The following ACKR3 variants were observed in gnomAD, a reference collection of about 807,000 sequenced individuals.
ACKR3 encodes the protein C-X-C chemokine receptor type 7.
Under a neutral mutation model 22.4 loss-of-function variants are expected in ACKR3, and 6 were observed. That is an observed-to-expected ratio of 0.27 (90% CI 0.15 to 0.53). ACKR3 has a LOEUF of 0.53. Ranked by LOEUF, ACKR3 falls within the 20% of genes least tolerant of loss-of-function variation. The pLI, the probability that ACKR3 is intolerant of heterozygous loss-of-function variation, is 0.96. For synonymous variants in ACKR3, 209 were observed against 205.2 expected (o/e 1.02, Z -0.16); for missense variants, 396 against 475.2 (o/e 0.83, Z 1.55).
chr2:236,566,500 T>C (rs1691181762), upstream of ACKR3, among the ~76,000 whole-genome samples: 1 of 151,534 alleles, frequency 6.6e-6, no homozygotes, highest in Non-Finnish European at 1.5e-5. Flanking sequence ...TGAAAGGCAC[T>C]TGAAAAACAG....
chr2:236,550,244 C>T, the ACKR3 span, among the ~76,000 whole-genome samples: 10 of 152,312 alleles, frequency 6.6e-5, no homozygotes, highest in East Asian at 3.9e-4. The surrounding 1 kb of genome is among the most constrained non-coding windows in gnomAD (Gnocchi z 4.6). Flanking sequence ...GTGCCTGCCC[C>T]TGGTGTCCAC....
rs1359735514 is a variant in ACKR3, at chr2:236,569,870, A to G, written c.-81A>G. On this transcript the variant is annotated 5_prime_UTR_variant, in exon 1 of 2. Transcript: ENST00000272928. ...AGCACTAAGGGAGCCAGCGCACAGC[A>G]CAGCCAGGAAGGCGAGCGAGCCCAG... The G allele has an allele frequency of 6.5e-6, 1 of 152,794 alleles. No individual in the cohort carries two copies. The highest frequency in any genetic ancestry group is 1.5e-5 in the Non-Finnish European group (1 of 68,566). The allele number at this position is 152,794 out of a possible 1,614,324, so 9.5% of individuals were successfully genotyped here.
chr2:236,542,582 C>T, the ACKR3 span, among the ~76,000 whole-genome samples: 2 of 152,282 alleles, frequency 1.3e-5, no homozygotes, highest in South Asian at 4.2e-4. Flanking sequence ...TCCAGAGGTC[C>T]GTCCAGGAGA....
At chr2:236,572,764 C>A (rs1372042100) in intron 1 of ACKR3, among the ~76,000 whole-genome samples, 1 of 152,186 alleles carries the variant, frequency 6.6e-6, no homozygotes, top group Non-Finnish European at 1.5e-5. Flanking sequence ...CAGCTGAGCA[C>A]AATAGACCAG....
chr2:236,547,958 A>C, the ACKR3 span, among the ~76,000 whole-genome samples: 1 of 151,786 alleles, frequency 6.6e-6, no homozygotes, highest in Admixed American at 6.6e-5. Context: ...AACTCAGAGG[A>C]GCCACTTTCC....
rs764138712 is a variant in ACKR3, at chr2:236,581,339, G to A, written c.874G>A (p.Ala292Thr). 8 of 1,613,750 alleles carry A rather than the reference G, an allele frequency of 5.0e-6. No homozygotes were observed. The highest frequency in any genetic ancestry group is 3.3e-5 in the South Asian group (3 of 91,070). The stretch of plus-strand genomic sequence containing the variant: ...CCCTTTCACCTGCCGGCTGGAGCAC[G>A]CCCTCTTCACGGCCCTGCATGTCAC... ...YIPFTCRLEH[A>T]LFTALHVTQC... is the part of the protein sequence containing the mutation. Residue 292 changes from alanine (A) to threonine (T), a missense_variant, in exon 2 of 2, where the codon GCC becomes ACC. Ala to Thr is a moderately conservative substitution (Grantham distance 58). Coordinates refer to ENST00000272928, the MANE Select transcript of ACKR3 (RefSeq NM_020311.3). The surrounding 1 kb of genome is among the most constrained non-coding windows in gnomAD (Gnocchi z 4.4).
At chr2:236,547,659 G>C in the ACKR3 span, among the ~76,000 whole-genome samples, 2 of 152,062 alleles carry the variant, frequency 1.3e-5, no homozygotes, top group Non-Finnish European at 2.9e-5. Flanking sequence ...TAATTATCCT[G>C]GGCTTACAAT....
chr2:236,557,504 C>G, the ACKR3 span, among the ~76,000 whole-genome samples: 3 of 152,050 alleles, frequency 2.0e-5, no homozygotes, highest in Admixed American at 6.6e-5. Flanking sequence ...AGAATGATGG[C>G]CATATATTGA....
the ACKR3 span, among the ~76,000 whole-genome samples, chr2:236,556,364 C>T: frequency 1.3e-5 from 2 of 152,078 alleles, no homozygotes; most frequent in East Asian, 1.9e-4. Context: ...ACCTGTGAAT[C>T]GTCCCTTATA....
chr2:236,540,901 T>C, the ACKR3 span, among the ~76,000 whole-genome samples: 66 of 152,378 alleles, frequency 4.3e-4, no homozygotes, highest in African/African-American at 1.5e-3. Context: ...AACTTTATAG[T>C]AAGTATTTAA....
At chr2:236,566,674 G>A (rs1217289877), upstream of ACKR3, among the ~76,000 whole-genome samples, 1 of 148,146 alleles carries the variant, frequency 6.8e-6, no homozygotes, top group Non-Finnish European at 1.5e-5. Context: ...AGTAGTGGAC[G>A]CGAACTGCTT....
the ACKR3 span, among the ~76,000 whole-genome samples, chr2:236,539,875 C>G: frequency 2.1e-3 from 322 of 152,266 alleles, no homozygotes; most frequent in Non-Finnish European, 3.5e-3. Flanking sequence ...TGGCAACAGG[C>G]AAGAGAGCAT....
Position 236,580,151 on chromosome 2 carries a change from G to T in ACKR3, c.-26-289G>T, listed in dbSNP as rs543194439. Among the ~76,000 whole-genome samples, 18 of 152,386 alleles carry T rather than the reference G, an allele frequency of 1.2e-4. No individual in the cohort carries two copies. In the East Asian group the frequency reaches 3.3e-3, roughly 28 times the overall value. ...GTGTTGATTTCACACACTGGGCACA[G>T]CCATGCTGGCGGTGTCTTGAGAACA... is the stretch of plus-strand genomic sequence containing the variant. On this transcript the variant is annotated intron_variant, in intron 1 of 1. Transcript: ENST00000272928.
At chr2:236,550,753 G>A in the ACKR3 span, among the ~76,000 whole-genome samples, 1 of 152,098 alleles carries the variant, frequency 6.6e-6, no homozygotes, top group African/African-American at 2.4e-5. This position sits in a 1 kb window ranked among gnomAD's most constrained non-coding sequence, Gnocchi z 4.6. Flanking sequence ...CTGTCACCAG[G>A]GTTCAAAGAG....
At chr2:236,553,468 G>A in the ACKR3 span, among the ~76,000 whole-genome samples, 1 of 152,246 alleles carries the variant, frequency 6.6e-6, no homozygotes, top group Non-Finnish European at 1.5e-5. Flanking sequence ...AGGCCAGAGG[G>A]AGAGAAAACA....
chr2:236,571,414 A>T (rs1344975589), intron 1 of ACKR3, among the ~76,000 whole-genome samples: 1 of 152,176 alleles, frequency 6.6e-6, no homozygotes, highest in Non-Finnish European at 1.5e-5. Context: ...GCTGCCCATC[A>T]GCTTTTCTCT....
chr2:236,569,814 C>A (rs891788195), upstream of ACKR3: 3 of 152,204 alleles, frequency 2.0e-5, no homozygotes, highest in Non-Finnish European at 4.4e-5. Flanking sequence ...AGTCTGCAGC[C>A]AGCAGAGCTC....
chr2:236,540,231 T>C, the ACKR3 span, among the ~76,000 whole-genome samples: 1 of 152,370 alleles, frequency 6.6e-6, no homozygotes, highest in East Asian at 1.9e-4. Flanking sequence ...GTAGTAATTG[T>C]AAAATAGTGT....
the ACKR3 span, among the ~76,000 whole-genome samples, chr2:236,553,614 G>C: frequency 6.6e-6 from 1 of 152,236 alleles, no homozygotes; most frequent in Admixed American, 6.5e-5. Context: ...AACCAAAAAG[G>C]AAGCTCCCAA....
Sources: gnomAD v4.1 joint callset for allele counts (sites outside exome capture counted in the v4.1 genomes callset) on GRCh38, gnomAD v4.1.1 for gene constraint, Gnocchi (gnomAD v3.1) non-coding constraint, MANE v1.5 for transcripts, NCBI Gene and HGNC (gene_info 2026-07-23, HGNC 2026-07-21) for gene names.